NOD1: variants seen among roughly 807,000 people sequenced by gnomAD.
NOD1 encodes the protein nucleotide-binding oligomerization domain-containing protein 1.
In NOD1, 70 loss-of-function variants were observed where a neutral mutation model predicts 81.2. The observed-to-expected ratio is 0.86, with a 90% CI of 0.71 to 1.05. The LOEUF is 1.05. Ranked by LOEUF, NOD1 falls within the 50% of genes least tolerant of loss-of-function variation. The pLI is 0.00. For missense variants in NOD1, 1,233 were observed against 1,228.0 expected (o/e 1.00, Z -0.06); for synonymous variants, 508 against 526.9 (o/e 0.96, Z 0.49).
At chr7:30,455,396 G>A in intron 4 of NOD1, 85 bp from the exon 5 acceptor site, 1 of 1,101,202 alleles carries the variant, frequency 9.1e-7, no homozygotes, top group Non-Finnish European at 1.3e-6. Context: ...CTCAGGGCAG[G>A]GCTCTGAGTT....
At chr7:30,445,278 T>TAAAAAAAAAAAAAAAAAAAAA (rs55875433) in intron 9 of NOD1, among the ~76,000 whole-genome samples, 2 of 69,176 alleles carry the variant, frequency 2.9e-5, no homozygotes, top group African/African-American at 7.0e-5. Context: ...AAAAAGAATC[T>TAAAAAAAAAAAAAAAAAAAAA]AAAAAAAAAA....
chr7:30,461,227 G>T (rs1401640085), intron 1 of NOD1, among the ~76,000 whole-genome samples: 1 of 152,148 alleles, frequency 6.6e-6, no homozygotes, highest in South Asian at 2.1e-4. Context: ...GCCCAGGCTG[G>T]AGTGCGGTGG....
At chr7:30,445,731 C>T (rs1784992088) in intron 9 of NOD1, among the ~76,000 whole-genome samples, 1 of 139,372 alleles carries the variant, frequency 7.2e-6, no homozygotes, top group African/African-American at 2.8e-5. Flanking sequence ...TGCACTCCAG[C>T]CTGGGCAACA....
Position 30,425,619 on chromosome 7 carries a change from T to A in NOD1, c.*19A>T, listed in dbSNP as rs370230825. 6.2e-7 allele frequency: 1 copy of A among 1,602,590 alleles called. No individual in the cohort carries two copies. Among genetic ancestry groups the A allele is most frequent in the African/African-American group, 1.3e-5 (1 of 74,818 alleles). On this transcript the variant is annotated 3_prime_UTR_variant, in exon 14 of 14. Coordinates refer to ENST00000222823, the MANE Select transcript of NOD1 (RefSeq NM_006092.4). ...CTGAGGCTCCAGGGCAAAAACCCCA[T>A]GAACAGGAAAGCATCCTCTCAGAAA...
At chr7:30,431,337 C>T (rs914646222) in intron 12 of NOD1, among the ~76,000 whole-genome samples, 1 of 152,152 alleles carries the variant, frequency 6.6e-6, no homozygotes, top group African/African-American at 2.4e-5. Context: ...ATGCAAAGAA[C>T]CCAGAATGGT....
At chr7:30,457,835 G>C (rs537011417) in intron 3 of NOD1, among the ~76,000 whole-genome samples, 87 of 152,066 alleles carry the variant, frequency 5.7e-4, no homozygotes, top group Non-Finnish European at 1.2e-3. Context: ...TGCGGACGGT[G>C]ATGTCTCAGT....
chr7:30,478,742 GGCAGGACCGGGGCGGCTGCCTC>G lies in NOD1; in HGVS notation c.-510_-489del. On this transcript the variant is annotated 5_prime_UTR_variant, in exon 1 of 14. Coordinates refer to ENST00000222823, the MANE Select transcript of NOD1 (RefSeq NM_006092.4). The surrounding 1 kb of genome is among the most constrained non-coding windows in gnomAD (Gnocchi z 4.1). Reference sequence around the variant, plus strand: ...TGCTCCCGCAGTAGCGCGAGGGAGGGGCAGGACCGGGGCGGCTGCCTCGCGGGCCCGGAACGGGAACTGGCTG... The same window carrying G: ...TGCTCCCGCAGTAGCGCGAGGGAGGGGCGGGCCCGGAACGGGAACTGGCTG... 6.6e-6 allele frequency: 1 copy of G among 152,280 alleles called. No homozygotes were observed. Among genetic ancestry groups the G allele is most frequent in the Non-Finnish European group, 1.5e-5 (1 of 68,060 alleles). The allele number at this position is 152,280 out of a possible 1,614,324, so 9.4% of individuals were successfully genotyped here.
chr7:30,455,198 C>T lies in NOD1; in HGVS notation c.315G>A (p.Leu105=), dbSNP rs566228146. Residue 105 remains leucine (L), a synonymous_variant, in exon 5 of 14, where the codon CTG becomes CTA. Coordinates refer to ENST00000222823, the MANE Select transcript of NOD1 (RefSeq NM_006092.4). ...DAYVDLRPWL[L]EIGFSPSLLT... is the part of the protein sequence containing the mutation. ...GCAGGGAAGGGGAGAAGCCGATCTC[C>T]AGCAGCCAAGGCCTGAGGTCCACGT... 15 of 1,614,056 alleles carry T rather than the reference C, an allele frequency of 9.3e-6. No individual in the cohort carries two copies. Among genetic ancestry groups the T allele is most frequent in the African/African-American group, 5.3e-5 (4 of 74,922 alleles).
chr7:30,457,108 T>G (rs1005603357), intron 3 of NOD1, 66 bp from the exon 4 acceptor site: 3 of 598,350 alleles, frequency 5.0e-6, no homozygotes, highest in Non-Finnish European at 9.0e-6. Context: ...CACCTCCCAC[T>G]GGTTGTGGGG....
chr7:30,455,616 CAG>C (rs1207200268), intron 4 of NOD1, among the ~76,000 whole-genome samples: 1 of 144,810 alleles, frequency 6.9e-6, no homozygotes, highest in Admixed American at 6.9e-5. Context: ...TTTTTTGAGA[CAG>C]AGTCTTGCTC....
chr7:30,445,278 T>TAAAAAAAAAAAA (rs55875433), intron 9 of NOD1, among the ~76,000 whole-genome samples: 10 of 69,178 alleles, frequency 1.4e-4, no homozygotes, highest in African/African-American at 2.1e-4. Flanking sequence ...AAAAAGAATC[T>TAAAAAAAAAAAA]AAAAAAAAAA....
rs568596158 is a variant in NOD1 at position 30,452,096 on chromosome 7, G to C, written c.1321C>G (p.Leu441Val). The change falls in exon 6 of 14, where the codon CTG becomes GTG. Residue 441 changes from leucine to valine, a missense_variant. Coordinates refer to ENST00000222823, the MANE Select transcript of NOD1 (RefSeq NM_006092.4). ...VHLNRMQPSS[L>V]VQRNTRSPVE... ...GGGCTGCGTGTGTTCCGCTGCACCA[G>C]GCTGCTGGGCTGCATCCTGTTCAGA... 2 of 1,613,874 alleles carry C rather than the reference G, an allele frequency of 1.2e-6. No individual in the cohort carries two copies. Among genetic ancestry groups the C allele is most frequent in the East Asian group, 2.2e-5 (1 of 44,870 alleles).
chr7:30,449,249 A>G (rs969299968), intron 6 of NOD1, among the ~76,000 whole-genome samples: 1 of 152,222 alleles, frequency 6.6e-6, no homozygotes, highest in African/African-American at 2.4e-5. Context: ...TTTCCCTCAG[A>G]GTCCCCAGCT....
Position 30,433,195 on chromosome 7 carries a change from G to T in NOD1, c.2622-16C>A, listed in dbSNP as rs1319401274. ...TTGGGTCAGCCTAAGGAAAAAAAAG[G>T]AAGTATTTACTCAAGAGAGCCTACT... is the stretch of plus-strand genomic sequence containing the variant. On this transcript the variant is annotated splice_polypyrimidine_tract_variant and intron_variant, in intron 11 of 13. Transcript: ENST00000222823. 4 of 1,604,518 alleles carry T rather than the reference G, an allele frequency of 2.5e-6. No individual in the cohort carries two copies. The highest frequency in any genetic ancestry group is 3.4e-6 in the Non-Finnish European group (4 of 1,171,398).
chr7:30,428,155 C>A (rs188246155), intron 13 of NOD1, among the ~76,000 whole-genome samples: 15 of 152,294 alleles, frequency 9.8e-5, no homozygotes, highest in Non-Finnish European at 2.1e-4. Flanking sequence ...CTCACTGCAG[C>A]CTTGATCTCC....
chr7:30,452,726 A>C lies in NOD1; in HGVS notation c.691T>G (p.Phe231Val). 6.2e-7 allele frequency: 1 copy of C among 1,613,998 alleles called. No individual in the cohort carries two copies. Among genetic ancestry groups the C allele is most frequent in the Non-Finnish European group, 8.5e-7 (1 of 1,180,050 alleles). ...AACATGCGGCAGCGAAAGTGGAAGA[A>C]GAATTTGACCCCTGCGTCTAGCCGG... ...TGRLDAGVKFFFHFRCRMFSC... is the reference protein window; with the variant it reads ...TGRLDAGVKFVFHFRCRMFSC... Residue 231 changes from phenylalanine to valine, a missense_variant, in exon 6 of 14, where the codon TTC (phenylalanine) becomes GTC (valine). Coordinates refer to ENST00000222823, the MANE Select transcript of NOD1 (RefSeq NM_006092.4).
chr7:30,433,012 T>A, intron 12 of NOD1, 84 bp downstream of exon 12: 1 of 1,028,588 alleles, frequency 9.7e-7, no homozygotes, highest in African/African-American at 1.6e-5. Flanking sequence ...TTTAAGAGAG[T>A]GAATTTTACA....
chr7:30,460,656 C>A (rs1157818954), intron 1 of NOD1: 1 of 985,280 alleles, frequency 1.0e-6, no homozygotes, highest in African/African-American at 1.7e-5. Context: ...GAGGGTGAGT[C>A]CACCACCAAA....
chr7:30,426,562 A>G (rs1437742062), intron 13 of NOD1, among the ~76,000 whole-genome samples: 1 of 152,102 alleles, frequency 6.6e-6, no homozygotes, highest in African/African-American at 2.4e-5. Context: ...GTTTCCTAGA[A>G]GAGCCAAGAA....
Sources: gnomAD v4.1 joint callset for allele counts (sites outside exome capture counted in the v4.1 genomes callset) on GRCh38, gnomAD v4.1.1 for gene constraint, Gnocchi (gnomAD v3.1) non-coding constraint, MANE v1.5 for transcripts, NCBI Gene and HGNC (gene_info 2026-07-23, HGNC 2026-07-21) for gene names.